Variants in EFCAB5 observed in about 807,000 individuals in gnomAD.
EFCAB5 encodes the protein EF-hand calcium binding domain 5, also known as EF-hand calcium-binding domain-containing protein 5.
In EFCAB5, 131 loss-of-function variants were observed where a neutral mutation model predicts 167.9. The ratio of observed to expected loss-of-function variants is 0.78; its 90% CI spans 0.68 to 0.90. EFCAB5 has a LOEUF of 0.90. Among genes scored for constraint, EFCAB5 ranks in the 40% least tolerant of loss-of-function variants. The pLI, the probability that EFCAB5 is intolerant of heterozygous loss-of-function variation, is 0.00. For missense variants in EFCAB5, 1,663 were observed against 1,745.2 expected (o/e 0.95, Z 0.84); for synonymous variants, 574 against 602.8 (o/e 0.95, Z 0.70).
At position 29,969,138 on chromosome 17, in the gene EFCAB5, C is replaced by T; in HGVS notation, c.538C>T (p.Pro180Ser). 2 of 1,613,758 alleles carry T rather than the reference C, an allele frequency of 1.2e-6. No homozygotes were observed. The highest frequency in any genetic ancestry group is 1.7e-6 in the Non-Finnish European group (2 of 1,179,814). The change falls in exon 4 of 23, where the codon CCC becomes TCC. Residue 180 changes from proline to serine, a missense_variant. Pro to Ser is a moderately conservative substitution (Grantham distance 74, BLOSUM62 -1). Coordinates refer to ENST00000394835, the MANE Select transcript of EFCAB5 (RefSeq NM_198529.4). Reference protein sequence around the residue: ...NTAYLLDKLLPTLVPGVENML... With the variant: ...NTAYLLDKLLSTLVPGVENML... ...TGCATATTTGCTTGACAAACTTCTA[C>T]CCACCTTAGTTCCTGGAGTAGAAAA... is the stretch of plus-strand genomic sequence containing the variant.
At chr17:30,089,356 A>AT (rs2071150753) in intron 19 of EFCAB5, among the ~76,000 whole-genome samples, 1 of 152,222 alleles carries the variant, frequency 6.6e-6, no homozygotes, top group African/African-American at 2.4e-5. Flanking sequence ...AGGGGTGGGA[A>AT]TAGCAGAAGG....
intron 14 of EFCAB5, chr17:30,073,056 C>T (rs948912427): frequency 3.2e-6 from 2 of 633,372 alleles, no homozygotes; most frequent in African/African-American, 3.7e-5. Context: ...CCATGCCCAA[C>T]CTTTATTTTT....
intron 8 of EFCAB5, among the ~76,000 whole-genome samples, chr17:30,036,261 T>C (rs1013690241): frequency 8.4e-6 from 1 of 118,594 alleles, no homozygotes; most frequent in Non-Finnish European, 1.7e-5. Context: ...AGAATATACA[T>C]ATATAATATA....
rs542133531 is a variant in EFCAB5 at position 29,979,492 on chromosome 17, T to A, written c.767+10125T>A. Among the ~76,000 whole-genome samples the A allele has an allele frequency of 2.6e-5, 4 of 152,326 alleles. No homozygotes were observed. The South Asian group carries it at 8.3e-4, about 32-fold the overall frequency. On this transcript the variant is annotated intron_variant, in intron 4 of 22. Coordinates refer to ENST00000394835, the MANE Select transcript of EFCAB5 (RefSeq NM_198529.4). ...GCTGCATTATTTATGCATAACAGTT[T>A]TACTACCATACATATTAACTAATCA...
chr17:30,070,260 T>C (rs2070697290), intron 14 of EFCAB5, among the ~76,000 whole-genome samples: 1 of 151,418 alleles, frequency 6.6e-6, no homozygotes. Context: ...AAATGAAAAA[T>C]GACCATACTA....
In EFCAB5 at chr17:29,941,780, TA is replaced by T; in HGVS notation, c.-15del. 2 of 1,596,434 alleles carry T rather than the reference TA, an allele frequency of 1.3e-6. No homozygotes were observed. The highest frequency in any genetic ancestry group is 1.7e-6 in the Non-Finnish European group (2 of 1,169,278). On this transcript the variant is annotated 5_prime_UTR_variant, in exon 1 of 23. Transcript: ENST00000394835. The stretch of plus-strand genomic sequence containing the variant: ...AATATTCTTCTATACCATTTGGTGA[TA>T]ACTTTTGGAGTCCAAATGAATGAGT...
intron 1 of EFCAB5, among the ~76,000 whole-genome samples, chr17:29,934,525 T>G (rs1005146068): frequency 6.6e-6 from 1 of 152,246 alleles, no homozygotes; most frequent in Admixed American, 6.5e-5. Flanking sequence ...GCTATATATA[T>G]AAAAAGAGAG....
chr17:29,984,873 C>A (rs1306192976), intron 4 of EFCAB5, among the ~76,000 whole-genome samples: 2 of 152,138 alleles, frequency 1.3e-5, no homozygotes, highest in Admixed American at 1.3e-4. Context: ...ATTTTGAAGG[C>A]CTTATATAGG....
chr17:30,062,080 C>A (rs1031963856), intron 14 of EFCAB5, among the ~76,000 whole-genome samples: 2 of 152,102 alleles, frequency 1.3e-5, no homozygotes, highest in African/African-American at 4.8e-5. Context: ...TTAATATGTT[C>A]ATTTATATTC....
chr17:30,096,675 ATATTT>A (rs1176983661), intron 22 of EFCAB5, among the ~76,000 whole-genome samples: 42 of 71,826 alleles, frequency 5.8e-4, no homozygotes, highest in Non-Finnish European at 8.6e-4. Context: ...ATATATATAT[ATATTT>A]TTTTTTTTTT....
chr17:29,953,232 A>C (rs1360681299), intron 3 of EFCAB5, among the ~76,000 whole-genome samples: 1 of 152,192 alleles, frequency 6.6e-6, no homozygotes, highest in African/African-American at 2.4e-5. Context: ...ATTCCTATAC[A>C]CCAACAACAG....
At chr17:29,972,310 A>C (rs1186813083) in intron 4 of EFCAB5, among the ~76,000 whole-genome samples, 1 of 151,146 alleles carries the variant, frequency 6.6e-6, no homozygotes, top group Non-Finnish European at 1.5e-5. Flanking sequence ...CGGCTTCCCA[A>C]AGTGCTGGTA....
chr17:29,986,637 A>ATTTTTTTTTT lies in EFCAB5; in HGVS notation c.768-6508_768-6499dup. Among the ~76,000 whole-genome samples the ATTTTTTTTTT allele has an allele frequency of 2.3e-3, 136 of 58,080 alleles. 28 individuals are homozygous for ATTTTTTTTTT. The highest frequency in any genetic ancestry group is 7.8e-3 in the African/African-American group (111 of 14,274). 38.1% of individuals were successfully genotyped at this position (58,080 alleles called of 152,430 possible). ...ATGCCTCAATTATAGGAGTATATTC[A>ATTTTTTTTTT]TTTTTTTTTTTTTTTTTTTTTTTTT... On this transcript the variant is annotated intron_variant, in intron 4 of 22. Coordinates refer to ENST00000394835, the MANE Select transcript of EFCAB5 (RefSeq NM_198529.4).
At chr17:30,075,224 C>T (rs886963164) in intron 14 of EFCAB5, among the ~76,000 whole-genome samples, 2 of 152,120 alleles carry the variant, frequency 1.3e-5, no homozygotes, top group Non-Finnish European at 2.9e-5. Flanking sequence ...TCCTCTCTTC[C>T]ACACTGATTT....
At chr17:30,066,871 A>G (rs2070585590) in intron 14 of EFCAB5, among the ~76,000 whole-genome samples, 1 of 152,238 alleles carries the variant, frequency 6.6e-6, no homozygotes, top group South Asian at 2.1e-4. Flanking sequence ...ATCATTAGTG[A>G]CTATTACAAA....
In EFCAB5 at chr17:30,053,997, T is replaced by C. The variant is rs776682691; in HGVS notation, c.2043T>C (p.Ser681=). ...SQSRKDSILK[S]TKYGEPITSE... ...CAAGAAAAGATAGTATCTTAAAAAG[T>C]ACAAAATATGGGGAACCTATAACCT... Residue 681 remains serine, a synonymous_variant, in exon 10 of 23, where the codon AGT becomes AGC. Coordinates refer to ENST00000394835, the MANE Select transcript of EFCAB5 (RefSeq NM_198529.4). 1 of 1,612,482 alleles carries C rather than the reference T, an allele frequency of 6.2e-7. No homozygotes were observed. Among genetic ancestry groups the C allele is most frequent in the South Asian group, 1.1e-5 (1 of 90,912 alleles).
At chr17:29,976,439 G>A (rs966173523) in intron 4 of EFCAB5, among the ~76,000 whole-genome samples, 5 of 152,144 alleles carry the variant, frequency 3.3e-5, no homozygotes, top group Non-Finnish European at 7.4e-5. Flanking sequence ...TTTTCTGGCA[G>A]AAATCCAAGA....
chr17:30,068,862 T>C, intron 14 of EFCAB5: 2 of 1,437,866 alleles, frequency 1.4e-6, no homozygotes, highest in Non-Finnish European at 2.0e-6. Context: ...TTAATGCTTA[T>C]AGCCATACCA....
intron 5 of EFCAB5, among the ~76,000 whole-genome samples, chr17:29,994,176 A>G (rs1354571716): frequency 1.1e-4 from 13 of 120,792 alleles, no homozygotes; most frequent in African/African-American, 3.8e-4. Flanking sequence ...ATATATATAT[A>G]TGTGATATAT....
Sources: allele counts gnomAD v4.1 joint callset (sites outside exome capture counted in the v4.1 genomes callset), GRCh38; gene constraint gnomAD v4.1.1; transcripts MANE v1.5; gene names NCBI Gene and HGNC (gene_info 2026-07-23, HGNC 2026-07-21).